The following ZBTB38 variants were observed in gnomAD, a reference collection of about 807,000 sequenced individuals.
The protein encoded by ZBTB38 is zinc finger and BTB domain-containing protein 38.
In ZBTB38, 20 loss-of-function variants were observed where a neutral mutation model predicts 76.8. The observed-to-expected ratio is 0.26, with a 90% CI of 0.18 to 0.38. The LOEUF (loss-of-function observed/expected upper bound fraction) is 0.38. Among genes scored for constraint, ZBTB38 ranks in the 10% least tolerant of loss-of-function variants. The pLI, the probability that ZBTB38 is intolerant of heterozygous loss-of-function variation, is 1.00. For synonymous variants in ZBTB38, 504 were observed against 544.2 expected, an observed-to-expected ratio of 0.93 and a Z score of 1.03; for missense variants, 1,082 against 1,482.3, an observed-to-expected ratio of 0.73 and a Z score of 4.43.
intron 1 of ZBTB38, among the ~76,000 whole-genome samples, chr3:141,357,283 T>C (rs147335767): frequency 2.4e-4 from 36 of 152,336 alleles, no homozygotes; most frequent in African/African-American, 7.9e-4. Flanking sequence ...TTAGCACTGA[T>C]ATTAATCCTT....
intron 1 of ZBTB38, among the ~76,000 whole-genome samples, chr3:141,359,653 A>G (rs1199931094): frequency 6.6e-6 from 1 of 152,122 alleles, no homozygotes; most frequent in African/African-American, 2.4e-5. Flanking sequence ...ATAATGGGCC[A>G]GGTGCAGTGG....
intron 5 of ZBTB38, among the ~76,000 whole-genome samples, chr3:141,427,325 G>C (rs927352070): frequency 3.3e-5 from 5 of 152,206 alleles, no homozygotes; most frequent in Admixed American, 2.6e-4. Flanking sequence ...TACTATGAAG[G>C]AAAAGTATGC....
At chr3:141,431,291 C>T (rs2077438691) in intron 5 of ZBTB38, among the ~76,000 whole-genome samples, 1 of 139,876 alleles carries the variant, frequency 7.1e-6, no homozygotes, top group Non-Finnish European at 1.5e-5. Context: ...CCATTGCACT[C>T]CAGCCTGGGG....
intron 5 of ZBTB38, among the ~76,000 whole-genome samples, chr3:141,411,766 C>T (rs779327738): frequency 2.6e-5 from 4 of 152,130 alleles, no homozygotes; most frequent in East Asian, 1.9e-4. Flanking sequence ...GTGTCTTCAG[C>T]GACTACACAG....
At chr3:141,438,948 C>T (rs565925770) in intron 5 of ZBTB38, among the ~76,000 whole-genome samples, 1 of 150,294 alleles carries the variant, frequency 6.7e-6, no homozygotes, top group African/African-American at 2.4e-5. Context: ...AGAACAGTAC[C>T]CACTTTGATC....
intron 4 of ZBTB38, among the ~76,000 whole-genome samples, chr3:141,397,716 G>A (rs1950648127): frequency 6.6e-6 from 1 of 152,186 alleles, no homozygotes; most frequent in East Asian, 1.9e-4. Context: ...GAGGAAGAGA[G>A]GTAGGGAATG....
intron 4 of ZBTB38, chr3:141,387,816 G>C (rs549657657): frequency 6.6e-6 from 1 of 152,240 alleles, no homozygotes; most frequent in African/African-American, 2.4e-5. Context: ...GAAATCAGTT[G>C]GTCTCCATCG....
intron 1 of ZBTB38, among the ~76,000 whole-genome samples, chr3:141,349,870 A>C (rs907220031): frequency 6.6e-6 from 1 of 152,210 alleles, no homozygotes; most frequent in Non-Finnish European, 1.5e-5. Context: ...GAGATATTGC[A>C]TCATAAAAGA....
At chr3:141,432,665 A>G (rs1200711203) in intron 5 of ZBTB38, among the ~76,000 whole-genome samples, 1 of 152,246 alleles carries the variant, frequency 6.6e-6, no homozygotes, top group African/African-American at 2.4e-5. Flanking sequence ...TTTGCATTGT[A>G]AGAATTAGAG....
At position 141,407,599 on chromosome 3, in the gene ZBTB38, C is replaced by A. The variant is rs185226777; in HGVS notation, c.-1+3568C>A. ...CATCTCCTATTACCACTGATTTATTCTGGGTTAGTCCCAGTGATCATCAAT... is the reference window on the plus strand; with the variant it reads ...CATCTCCTATTACCACTGATTTATTATGGGTTAGTCCCAGTGATCATCAAT... On this transcript the variant is annotated intron_variant, in intron 5 of 5. Coordinates refer to ENST00000321464, the MANE Select transcript of ZBTB38 (RefSeq NM_001376113.1). Among the ~76,000 whole-genome samples, 1,142 of 152,254 alleles carry A rather than the reference C, an allele frequency of 7.5e-3. 33 individuals are homozygous for A. The highest frequency in any genetic ancestry group is 4.7e-3 in the Non-Finnish European group (323 of 68,018).
chr3:141,343,026 T>G (rs1316872343), intron 1 of ZBTB38, among the ~76,000 whole-genome samples: 2 of 152,166 alleles, frequency 1.3e-5, no homozygotes, highest in African/African-American at 4.8e-5. Context: ...TCTATATGTT[T>G]ATGACACTGA....
intron 5 of ZBTB38, among the ~76,000 whole-genome samples, chr3:141,418,172 G>T (rs1160061376): frequency 1.3e-5 from 2 of 152,190 alleles, no homozygotes; most frequent in East Asian, 3.9e-4. Flanking sequence ...GGGACTAGAG[G>T]ATAAGGCCCA....
chr3:141,447,523 C>T lies in ZBTB38; in HGVS notation c.*1547C>T, dbSNP rs547545691. 7 of 152,688 alleles carry T rather than the reference C, an allele frequency of 4.6e-5. No individual in the cohort carries two copies. Among genetic ancestry groups the T allele is most frequent in the Admixed American group, 1.3e-4 (2 of 15,304 alleles). The allele number at this position is 152,688 out of a possible 1,614,324, so 9.5% of individuals were successfully genotyped here. On this transcript the variant is annotated 3_prime_UTR_variant, in exon 6 of 6. Coordinates refer to ENST00000321464, the MANE Select transcript of ZBTB38 (RefSeq NM_001376113.1). Reference sequence around the variant, plus strand: ...AACTCATGATTCTTTTTCAAACTGCCAGAATAGAAGGGAGAGAGAAAACAT... The same window carrying T: ...AACTCATGATTCTTTTTCAAACTGCTAGAATAGAAGGGAGAGAGAAAACAT...
chr3:141,335,824 T>A (rs1216310568), intron 1 of ZBTB38, among the ~76,000 whole-genome samples: 2 of 152,234 alleles, frequency 1.3e-5, no homozygotes, highest in Admixed American at 6.5e-5. Context: ...TCTGTTTATT[T>A]ATTATGCCTT....
In ZBTB38 at chr3:141,425,973, T is replaced by G; in HGVS notation, c.1-16416T>G. The stretch of plus-strand genomic sequence containing the variant: ...GATATAAATGCAGTGTGTAGAACGG[T>G]GCAGAGCACACAGCACATATATGCT... On this transcript the variant is annotated intron_variant, in intron 5 of 5. Coordinates refer to ENST00000321464, the MANE Select transcript of ZBTB38 (RefSeq NM_001376113.1). The G allele has an allele frequency of 8.1e-6, 3 of 371,714 alleles. 1 individual carries two copies. The highest frequency in any genetic ancestry group is 6.2e-5 in the South Asian group (3 of 48,252). 23.0% of individuals were successfully genotyped at this position (371,714 alleles called of 1,614,324 possible). A position where few individuals can be genotyped will look rare whatever the true frequency, so the allele number is the denominator to read the frequency against.
intron 1 of ZBTB38, among the ~76,000 whole-genome samples, chr3:141,363,012 GA>G (rs1388364488): frequency 6.6e-6 from 1 of 151,764 alleles, no homozygotes; most frequent in African/African-American, 2.4e-5. Flanking sequence ...CTCAGATGAA[GA>G]AAAAGAACTT....
At chr3:141,326,624 G>A (rs1277114274) in intron 1 of ZBTB38, among the ~76,000 whole-genome samples, 4 of 152,114 alleles carry the variant, frequency 2.6e-5, no homozygotes, top group East Asian at 3.8e-4. Flanking sequence ...CAGTCTTGGT[G>A]TGAAACTCTG....
chr3:141,345,017 G>T (rs1943305841), intron 1 of ZBTB38, among the ~76,000 whole-genome samples: 1 of 152,224 alleles, frequency 6.6e-6, no homozygotes, highest in African/African-American at 2.4e-5. Flanking sequence ...CTTCCTGAGA[G>T]GGGAGGCAGG....
In ZBTB38 at chr3:141,444,915, A is replaced by T. The variant is rs763602368; in HGVS notation, c.2527A>T (p.Ile843Phe). Residue 843 changes from isoleucine (I) to phenylalanine (F), a missense_variant, in exon 6 of 6, where the codon ATT becomes TTT. Transcript: ENST00000321464. The surrounding 1 kb of genome is among the most constrained non-coding windows in gnomAD (Gnocchi z 5.1). ...VAPLCQITVK[I>F]GNEAIVKRHI... ...ACCCCTTTGCCAAATAACAGTGAAA[A>T]TTGGAAACGAAGCCATTGTGAAAAG... is the stretch of plus-strand genomic sequence containing the variant. 7 of 1,614,210 alleles carry T rather than the reference A, an allele frequency of 4.3e-6. No individual in the cohort carries two copies. In the East Asian group the frequency reaches 1.6e-4, roughly 36 times the overall value.
Sources: gnomAD v4.1 joint callset for allele counts (sites outside exome capture counted in the v4.1 genomes callset) on GRCh38, gnomAD v4.1.1 for gene constraint, Gnocchi (gnomAD v3.1) non-coding constraint, MANE v1.5 for transcripts, NCBI Gene and HGNC (gene_info 2026-07-23, HGNC 2026-07-21) for gene names.